PAX5: variants seen among roughly 807,000 people sequenced by gnomAD.
The protein encoded by PAX5 is paired box protein Pax-5.
In PAX5, 9 loss-of-function variants were observed where a neutral mutation model predicts 43.7. The observed-to-expected ratio is 0.21, with a 90% confidence interval of 0.12 to 0.36. The LOEUF (loss-of-function observed/expected upper bound fraction) is 0.36, where lower values mean the gene tolerates loss of function less well. PAX5 is among the 10% of genes least tolerant of loss of function. The pLI is 1.00. For synonymous variants in PAX5, 228 were observed against 214.3 expected, an observed-to-expected ratio of 1.06 and a Z score of -0.56; for missense variants, 383 against 532.7, an observed-to-expected ratio of 0.72 and a Z score of 2.77.
intron 5 of PAX5, among the ~76,000 whole-genome samples, chr9:36,981,855 G>C (rs1247462939): frequency 6.6e-6 from 1 of 152,286 alleles, no homozygotes; most frequent in Non-Finnish European, 1.5e-5. Flanking sequence ...GCACTGGTCA[G>C]AGCAAACAAG....
chr9:36,864,223 A>C (rs995512202), intron 8 of PAX5: 4 of 154,422 alleles, frequency 2.6e-5, no homozygotes, highest in African/African-American at 9.6e-5. Flanking sequence ...TGAGGTACAG[A>C]GACAGAAAGG....
At chr9:36,929,872 C>A (rs1250584738) in intron 6 of PAX5, among the ~76,000 whole-genome samples, 1 of 152,184 alleles carries the variant, frequency 6.6e-6, no homozygotes, top group Non-Finnish European at 1.5e-5. Flanking sequence ...ATCACAGGCA[C>A]CCACCACCAT....
chr9:36,997,702 G>A (rs542904676), intron 5 of PAX5, among the ~76,000 whole-genome samples: 9 of 152,292 alleles, frequency 5.9e-5, no homozygotes, highest in Admixed American at 3.9e-4. Flanking sequence ...GAGACAAAGC[G>A]ACATCTCATA....
At chr9:36,978,784 AT>A (rs1835665721) in intron 5 of PAX5, among the ~76,000 whole-genome samples, 1 of 152,214 alleles carries the variant, frequency 6.6e-6, no homozygotes, top group African/African-American at 2.4e-5. Context: ...AATACTTTTC[AT>A]TTGGAGAAGA....
At chr9:36,901,074 T>G (rs1828346805) in intron 7 of PAX5, among the ~76,000 whole-genome samples, 1 of 152,152 alleles carries the variant, frequency 6.6e-6, no homozygotes, top group African/African-American at 2.4e-5. Flanking sequence ...TACAGCCACC[T>G]GGGTCAGGTC....
intron 6 of PAX5, among the ~76,000 whole-genome samples, chr9:36,957,344 G>A (rs2132139438): frequency 6.6e-6 from 1 of 152,334 alleles, no homozygotes; most frequent in East Asian, 1.9e-4. Context: ...GGGTGCTTAA[G>A]TTAAGCCTAA....
rs1312271043 is a variant in PAX5, at chr9:37,015,143, T to G, written c.264A>C (p.Pro88=). The change falls in exon 3 of 10, where the codon CCA becomes CCC. Residue 88 remains proline, a synonymous_variant. Transcript: ENST00000358127. The surrounding 1 kb of genome is among the most constrained non-coding windows in gnomAD (Gnocchi z 4.4). ...IKPGVIGGSK[P]KVATPKVVEK... is the part of the protein sequence containing the mutation. Reference sequence around the variant, plus strand: ...CCACCACTTTGGGTGTGGCGACCTTTGGTTTGGATCCTCCAATTACCCCAG... The same window carrying G: ...CCACCACTTTGGGTGTGGCGACCTTGGGTTTGGATCCTCCAATTACCCCAG... The G allele has an allele frequency of 6.2e-7, 1 of 1,614,222 alleles. No individual in the cohort carries two copies. The highest frequency in any genetic ancestry group is 8.5e-7 in the Non-Finnish European group (1 of 1,180,038).
rs1277608347 is a variant in PAX5, at chr9:36,836,951, C to G, written c.*3609G>C. On this transcript the variant is annotated 3_prime_UTR_variant, in exon 10 of 10. Coordinates refer to ENST00000358127, the MANE Select transcript of PAX5 (RefSeq NM_016734.3). ...GAGTCTGGATGAAACCTCAGAAGCACTGTTGTGGATTTGGTCAAAGACTCC... is the reference window on the plus strand; with the variant it reads ...GAGTCTGGATGAAACCTCAGAAGCAGTGTTGTGGATTTGGTCAAAGACTCC... 3 of 232,558 alleles carry G rather than the reference C, an allele frequency of 1.3e-5. No homozygotes were observed. Among genetic ancestry groups the G allele is most frequent in the African/African-American group, 2.2e-5 (1 of 45,316 alleles). 14.4% of individuals were successfully genotyped at this position (232,558 alleles called of 1,614,324 possible). A position where few individuals can be genotyped will look rare whatever the true frequency, so the allele number is the denominator to read the frequency against.
chr9:36,912,107 C>G (rs28698188), intron 7 of PAX5, among the ~76,000 whole-genome samples: 2,931 of 152,374 alleles, frequency 0.019, 96 homozygotes, highest in African/African-American at 0.067. Context: ...CCACCACCTT[C>G]TGAGGATTTC....
intron 5 of PAX5, among the ~76,000 whole-genome samples, chr9:36,978,769 C>T (rs184752454): frequency 6.6e-6 from 1 of 152,252 alleles, no homozygotes; most frequent in Admixed American, 6.5e-5. Context: ...CATCAGAGAT[C>T]CAAAAATACT....
chr9:36,966,713 A>T lies in PAX5; in HGVS notation c.616T>A (p.Ser206Thr). 1.2e-6 allele frequency: 2 copies of T among 1,613,142 alleles called. No homozygotes were observed. Among genetic ancestry groups the T allele is most frequent in the Non-Finnish European group, 1.7e-6 (2 of 1,179,760 alleles). ...AGCGAGTGGCCGTTCGGCACCGGAGACTCCTGAATACCTTTGATGAGCAGG... is the reference window on the plus strand; with the variant it reads ...AGCGAGTGGCCGTTCGGCACCGGAGTCTCCTGAATACCTTTGATGAGCAGG... ...KRKRDEGIQESPVPNGHSLPG... is the reference protein window; with the variant it reads ...KRKRDEGIQETPVPNGHSLPG... Residue 206 changes from serine (S) to threonine (T), a missense_variant, in exon 6 of 10, where the codon TCT (serine) becomes ACT (threonine). Transcript: ENST00000358127.
At chr9:36,913,154 G>A (rs1049696907) in intron 7 of PAX5, among the ~76,000 whole-genome samples, 9 of 152,172 alleles carry the variant, frequency 5.9e-5, no homozygotes, top group Admixed American at 5.2e-4. Context: ...GTGGACTCAG[G>A]GACTTGGCAG....
chr9:36,896,770 G>A (rs889017412), intron 7 of PAX5, among the ~76,000 whole-genome samples: 1 of 152,172 alleles, frequency 6.6e-6, no homozygotes, highest in African/African-American at 2.4e-5. Context: ...GGTAATCAGA[G>A]CCCCAAATGG....
chr9:36,928,253 A>C (rs1403011051), intron 6 of PAX5, among the ~76,000 whole-genome samples: 1 of 152,212 alleles, frequency 6.6e-6, no homozygotes, highest in Non-Finnish European at 1.5e-5. Flanking sequence ...GCTACACCAC[A>C]GCTCCTCAGC....
chr9:36,860,184 A>C (rs989263438), intron 8 of PAX5, among the ~76,000 whole-genome samples: 11 of 152,068 alleles, frequency 7.2e-5, no homozygotes, highest in African/African-American at 2.7e-4. Flanking sequence ...TAAAAATAGA[A>C]AAATTAGCCG....
At position 36,838,264 on chromosome 9, in the gene PAX5, A is replaced by G. The variant is rs1821782108; in HGVS notation, c.*2296T>C. ...GCCTGGGTGACCAGGCTTCCTTGGCAGTTCTTACAGACTGATTGTCTAGGG... is the reference window on the plus strand; with the variant it reads ...GCCTGGGTGACCAGGCTTCCTTGGCGGTTCTTACAGACTGATTGTCTAGGG... On this transcript the variant is annotated 3_prime_UTR_variant, in exon 10 of 10. Coordinates refer to ENST00000358127, the MANE Select transcript of PAX5 (RefSeq NM_016734.3). 4.3e-6 allele frequency: 1 copy of G among 232,776 alleles called. No individual in the cohort carries two copies. Among genetic ancestry groups the G allele is most frequent in the Non-Finnish European group, 8.5e-6 (1 of 117,778 alleles). 14.4% of individuals were successfully genotyped at this position (232,776 alleles called of 1,614,324 possible). A position where few individuals can be genotyped will look rare whatever the true frequency, so the allele number is the denominator to read the frequency against.
At chr9:36,929,161 G>A (rs1052421927) in intron 6 of PAX5, among the ~76,000 whole-genome samples, 1 of 151,804 alleles carries the variant, frequency 6.6e-6, no homozygotes, top group Non-Finnish European at 1.5e-5. Context: ...CAAGTTCTTT[G>A]TGAAAGTGAA....
intron 5 of PAX5, among the ~76,000 whole-genome samples, chr9:36,970,381 C>G (rs1834834593): frequency 6.6e-6 from 1 of 152,036 alleles, no homozygotes. Context: ...GGAAGAGGCC[C>G]CAGGAGAATC....
chr9:36,881,800 GC>G (rs1190033539), intron 8 of PAX5, among the ~76,000 whole-genome samples: 2 of 151,930 alleles, frequency 1.3e-5, no homozygotes, highest in Non-Finnish European at 2.9e-5. Context: ...CCCTCCCCTC[GC>G]CCCCGGTGTC....
Sources: allele counts gnomAD v4.1 joint callset (sites outside exome capture counted in the v4.1 genomes callset), GRCh38; gene constraint gnomAD v4.1.1; non-coding constraint Gnocchi (gnomAD v3.1); transcripts MANE v1.5; gene names NCBI Gene and HGNC (gene_info 2026-07-23, HGNC 2026-07-21).